SH3RF3: variants seen among roughly 807,000 people sequenced by gnomAD.
The protein encoded by SH3RF3 is SH3 domain containing ring finger 3.
A neutral mutation model predicts 66.3 loss-of-function variants in SH3RF3; 29 were observed. The observed-to-expected ratio is 0.44, with a 90% CI of 0.33 to 0.60. The LOEUF is 0.60. Ranked by LOEUF, SH3RF3 falls within the 20% of genes least tolerant of loss-of-function variation. The probability of loss-of-function intolerance (pLI) is 0.04; values close to 1 mark genes in which losing one functional copy is unlikely to be tolerated. For missense variants in SH3RF3, 1,194 were observed against 1,190.9 expected, an observed-to-expected ratio of 1.00 and a Z score of -0.04; for synonymous variants, 583 against 532.0, an observed-to-expected ratio of 1.10 and a Z score of -1.32.
intron 2 of SH3RF3, among the ~76,000 whole-genome samples, chr2:109,357,542 A>C (rs562724301): frequency 6.6e-6 from 1 of 152,314 alleles, no homozygotes; most frequent in East Asian, 1.9e-4. Context: ...TGCCTCTGAC[A>C]GTTACCAGCC....
At chr2:109,333,496 G>C (rs534839538) in intron 1 of SH3RF3, among the ~76,000 whole-genome samples, 1 of 152,180 alleles carries the variant, frequency 6.6e-6, no homozygotes, top group Admixed American at 6.5e-5. Flanking sequence ...GAGGTTTCAC[G>C]TATAGCATAC....
At chr2:109,215,573 T>C (rs1389177693) in intron 1 of SH3RF3, among the ~76,000 whole-genome samples, 1 of 151,988 alleles carries the variant, frequency 6.6e-6, no homozygotes, top group African/African-American at 2.4e-5. Flanking sequence ...TCTGATGTAG[T>C]TTTTTGCCTG....
At chr2:109,236,241 C>T (rs1002143112) in intron 1 of SH3RF3, among the ~76,000 whole-genome samples, 1 of 152,174 alleles carries the variant, frequency 6.6e-6, no homozygotes, top group Non-Finnish European at 1.5e-5. Flanking sequence ...TGCCTTTGGA[C>T]CTCTTATTAA....
chr2:109,418,795 A>G (rs1378923880), intron 4 of SH3RF3, among the ~76,000 whole-genome samples: 1 of 152,178 alleles, frequency 6.6e-6, no homozygotes, highest in Non-Finnish European at 1.5e-5. Flanking sequence ...ACACTGTCCT[A>G]GGGAAGGCCA....
At chr2:109,400,393 C>A (rs1394213218) in intron 4 of SH3RF3, among the ~76,000 whole-genome samples, 1 of 152,186 alleles carries the variant, frequency 6.6e-6, no homozygotes, top group African/African-American at 2.4e-5. Context: ...TATACACATG[C>A]ACGCACATAT....
At chr2:109,196,322 C>A (rs1403295328) in intron 1 of SH3RF3, among the ~76,000 whole-genome samples, 1 of 152,218 alleles carries the variant, frequency 6.6e-6, no homozygotes, top group Non-Finnish European at 1.5e-5. Context: ...GCTCCCCTGG[C>A]CCCAAGGCCT....
chr2:109,452,495 G>A (rs140103287), intron 8 of SH3RF3, among the ~76,000 whole-genome samples: 43 of 152,258 alleles, frequency 2.8e-4, no homozygotes, highest in Middle Eastern at 3.4e-3. Flanking sequence ...GTTTCCTAGC[G>A]CTAGTGCTGC....
intron 2 of SH3RF3, among the ~76,000 whole-genome samples, chr2:109,363,334 G>A (rs563217756): frequency 1.3e-5 from 2 of 152,048 alleles, no homozygotes; most frequent in Non-Finnish European, 2.9e-5. Flanking sequence ...AGCAGTATGA[G>A]TACTTGTAAT....
chr2:109,207,560 G>A (rs1558958631), intron 1 of SH3RF3, among the ~76,000 whole-genome samples: 1 of 152,158 alleles, frequency 6.6e-6, no homozygotes, highest in African/African-American at 2.4e-5. Flanking sequence ...GGAACAAAAT[G>A]TTATTTGTGT....
At chr2:109,234,987 C>T (rs1679609991) in intron 1 of SH3RF3, among the ~76,000 whole-genome samples, 1 of 152,206 alleles carries the variant, frequency 6.6e-6, no homozygotes. Context: ...CAACGTTTGA[C>T]TATGGCATAT....
chr2:109,368,219 C>A (rs1236914799), intron 2 of SH3RF3, among the ~76,000 whole-genome samples: 1 of 152,066 alleles, frequency 6.6e-6, no homozygotes, highest in Non-Finnish European at 1.5e-5. Context: ...TCTCATGTAT[C>A]CTGCAAGTAT....
intron 8 of SH3RF3, among the ~76,000 whole-genome samples, chr2:109,464,589 T>C (rs75605211): frequency 1.1e-4 from 17 of 152,334 alleles, no homozygotes; most frequent in Non-Finnish European, 2.2e-4. Flanking sequence ...TCACAATCGA[T>C]TTCCTCTTCT....
chr2:109,138,960 C>G (rs1452262250), intron 1 of SH3RF3, among the ~76,000 whole-genome samples: 1 of 152,218 alleles, frequency 6.6e-6, no homozygotes, highest in African/African-American at 2.4e-5. Context: ...CAATAGGTAT[C>G]TCTTGACATG....
Position 109,347,703 on chromosome 2 carries a change from C to T in SH3RF3, c.603C>T (p.Ala201=), listed in dbSNP as rs189110786. 2.5e-6 allele frequency: 4 copies of T among 1,613,778 alleles called. No homozygotes were observed. The East Asian group carries it at 8.9e-5, about 36-fold the overall frequency. The change falls in exon 2 of 10, where the codon GCC becomes GCT. Residue 201 remains alanine (A), a synonymous_variant. Coordinates refer to ENST00000309415, the MANE Select transcript of SH3RF3 (RefSeq NM_001099289.3). ...KNPCLLPYGK[A]LYSYEGKEPG... ...CCTGCCTGCTTCCCTATGGCAAGGC[C>T]CTCTACAGCTACGAGGGGAAGGAAC... is the stretch of plus-strand genomic sequence containing the variant.
chr2:109,428,738 T>C (rs1040035841), intron 5 of SH3RF3, among the ~76,000 whole-genome samples: 8 of 152,212 alleles, frequency 5.3e-5, no homozygotes, highest in African/African-American at 1.9e-4. Context: ...AGAGGTGATG[T>C]CTGAGCATGC....
intron 1 of SH3RF3, among the ~76,000 whole-genome samples, chr2:109,276,360 C>T (rs1053909376): frequency 1.6e-4 from 24 of 152,102 alleles, no homozygotes; most frequent in African/African-American, 5.3e-4. Flanking sequence ...ATATGTGTCC[C>T]GTAGTAGATG....
intron 8 of SH3RF3, among the ~76,000 whole-genome samples, chr2:109,463,105 T>C (rs1029026277): frequency 6.6e-6 from 1 of 152,180 alleles, no homozygotes; most frequent in African/African-American, 2.4e-5. Flanking sequence ...GTAAAGTAGC[T>C]CAAGCCTGGG....
chr2:109,384,902 A>G (rs1308000083), intron 3 of SH3RF3, among the ~76,000 whole-genome samples: 1 of 152,180 alleles, frequency 6.6e-6, no homozygotes, highest in Non-Finnish European at 1.5e-5. Context: ...TCACACAGCC[A>G]TGGAACCAGG....
At chr2:109,163,550 C>T (rs1327609092) in intron 1 of SH3RF3, among the ~76,000 whole-genome samples, 1 of 150,956 alleles carries the variant, frequency 6.6e-6, no homozygotes, top group Non-Finnish European at 1.5e-5. Context: ...AGGCGCCCGC[C>T]ACTACGCCCG....
Sources: allele counts gnomAD v4.1 joint callset (sites outside exome capture counted in the v4.1 genomes callset), GRCh38; gene constraint gnomAD v4.1.1; transcripts MANE v1.5; gene names NCBI Gene and HGNC (gene_info 2026-07-23, HGNC 2026-07-21).